Variants in RERE observed in about 807,000 individuals in gnomAD.
RERE encodes the protein arginine-glutamic acid dipeptide repeats protein.
RERE carries 40 observed loss-of-function variants against 146.1 expected under a neutral mutation model. That is an observed-to-expected ratio of 0.27 (90% CI 0.21 to 0.36). The LOEUF is 0.36. Ranked by LOEUF, RERE falls within the 10% of genes least tolerant of loss-of-function variation. RERE has a pLI of 1.00. For synonymous variants in RERE, 1,003 were observed against 866.0 expected (o/e 1.16, Z -2.78); for missense variants, 1,933 against 2,138.7 (o/e 0.90, Z 1.90).
chr1:8,726,071 C>T (rs534941095), intron 1 of RERE, among the ~76,000 whole-genome samples: 1 of 151,504 alleles, frequency 6.6e-6, no homozygotes, highest in South Asian at 2.1e-4. Flanking sequence ...CTTAATGCTC[C>T]ACAAATGTCT....
intron 2 of RERE, among the ~76,000 whole-genome samples, chr1:8,631,177 G>C (rs1421097135): frequency 6.6e-6 from 1 of 152,158 alleles, no homozygotes; most frequent in East Asian, 1.9e-4. Context: ...TTAAAAGTCA[G>C]GAAATCTCCC....
intron 10 of RERE, among the ~76,000 whole-genome samples, chr1:8,478,377 AAGG>A (rs1221710261): frequency 3.9e-5 from 6 of 152,188 alleles, no homozygotes; most frequent in South Asian, 4.1e-4. Context: ...GAAAGAAGAA[AAGG>A]AGGAGAAGAG....
rs74593799 is a variant in RERE at position 8,475,804 on chromosome 1, G to A, written c.1105-9781C>T. 0.014 allele frequency among the ~76,000 whole-genome samples: 2,186 copies of A among 152,068 alleles called. 250 individuals carry two copies. The East Asian group carries it at 0.28, about 20-fold the overall frequency. ...TGCCAAGTCAATATATATGAAACAT[G>A]TAAATGTTAAAAAACTAGAATTGAA... On this transcript the variant is annotated intron_variant, in intron 10 of 22. Transcript: ENST00000400908.
At chr1:8,700,230 G>A (rs752241386) in intron 1 of RERE, among the ~76,000 whole-genome samples, 27 of 152,044 alleles carry the variant, frequency 1.8e-4, no homozygotes, top group Non-Finnish European at 2.6e-4. Context: ...ACTTGAACCC[G>A]GGAGACGGAG....
intron 1 of RERE, among the ~76,000 whole-genome samples, chr1:8,666,951 C>A (rs1252334848): frequency 6.6e-6 from 1 of 152,190 alleles, no homozygotes; most frequent in African/African-American, 2.4e-5. Context: ...GAATATACGG[C>A]TTATTTAAGG....
At chr1:8,683,050 A>G (rs777257179) in intron 1 of RERE, among the ~76,000 whole-genome samples, 212 of 151,612 alleles carry the variant, frequency 1.4e-3, no homozygotes, top group Non-Finnish European at 2.6e-3. Flanking sequence ...AAAAAAAAAA[A>G]AAAAAGAATG....
intron 3 of RERE, among the ~76,000 whole-genome samples, chr1:8,615,156 G>C (rs896386000): frequency 1.3e-5 from 2 of 152,184 alleles, no homozygotes; most frequent in African/African-American, 2.4e-5. Flanking sequence ...AGGGCATTTG[G>C]GTGGCCAAAG....
chr1:8,378,574 C>G (rs1018299484), intron 12 of RERE, among the ~76,000 whole-genome samples: 5 of 152,162 alleles, frequency 3.3e-5, no homozygotes, highest in Admixed American at 6.5e-5. Flanking sequence ...GACACAGACA[C>G]CCACAGAAGG....
intron 4 of RERE, among the ~76,000 whole-genome samples, chr1:8,560,598 G>A (rs1335281932): frequency 6.6e-6 from 1 of 152,018 alleles, no homozygotes; most frequent in Admixed American, 6.6e-5. Flanking sequence ...CCCCTTTTCT[G>A]TAAAAAGGAG....
chr1:8,722,738 C>T (rs1431244943), intron 1 of RERE, among the ~76,000 whole-genome samples: 17 of 151,944 alleles, frequency 1.1e-4, no homozygotes, highest in Admixed American at 1.0e-3. Flanking sequence ...AATCTGGAGA[C>T]GATGTAAAGT....
intron 12 of RERE, among the ~76,000 whole-genome samples, chr1:8,378,030 A>G (rs1016326469): frequency 6.6e-6 from 1 of 152,232 alleles, no homozygotes; most frequent in Non-Finnish European, 1.5e-5. Flanking sequence ...TGCACAGCAA[A>G]TTATCATGTA....
chr1:8,777,418 G>A (rs757617558), intron 1 of RERE, among the ~76,000 whole-genome samples: 2 of 151,436 alleles, frequency 1.3e-5, no homozygotes, highest in Non-Finnish European at 2.9e-5. Context: ...ATAACTTTTT[G>A]AAGAAAAATA....
chr1:8,714,665 A>G (rs901500107), intron 1 of RERE, among the ~76,000 whole-genome samples: 1 of 152,202 alleles, frequency 6.6e-6, no homozygotes, highest in African/African-American at 2.4e-5. Flanking sequence ...TGGCAGATCT[A>G]GACACCAAAA....
intron 1 of RERE, among the ~76,000 whole-genome samples, chr1:8,759,838 T>TATACAC (rs1553146162): frequency 6.3e-5 from 9 of 142,230 alleles, no homozygotes; most frequent in African/African-American, 2.3e-4. Flanking sequence ...ACTCTCTCTA[T>TATACAC]ACACACACAC....
At chr1:8,377,855 C>T (rs1026208510) in intron 12 of RERE, among the ~76,000 whole-genome samples, 1 of 152,006 alleles carries the variant, frequency 6.6e-6, no homozygotes, top group African/African-American at 2.4e-5. Context: ...TGTGCATTTC[C>T]CGAGGTGATA....
At chr1:8,683,031 CA>C (rs71580039) in intron 1 of RERE, among the ~76,000 whole-genome samples, 11,213 of 65,258 alleles carry the variant, frequency 0.17, 151 homozygotes, top group Admixed American at 0.23. Flanking sequence ...CTGTCTTTAC[CA>C]AAAAAAAAAA....
intron 6 of RERE, among the ~76,000 whole-genome samples, chr1:8,554,268 G>T (rs550867776): frequency 6.6e-6 from 1 of 152,260 alleles, no homozygotes; most frequent in East Asian, 1.9e-4. Context: ...AAAACATGTT[G>T]AATACAGTTA....
intron 1 of RERE, among the ~76,000 whole-genome samples, chr1:8,772,091 T>C (rs569067867): frequency 1.1e-4 from 17 of 152,240 alleles, no homozygotes; most frequent in African/African-American, 4.1e-4. Flanking sequence ...ATCCCAATTT[T>C]GTAATACATA....
rs1434737439 is a variant in RERE at position 8,584,083 on chromosome 1, TC to T, written c.523-26561del. On this transcript the variant is annotated intron_variant, in intron 4 of 22. Coordinates refer to ENST00000400908, the MANE Select transcript of RERE (RefSeq NM_001042681.2). ...TAACAAAAATCAGAAACAAGAAAAT[TC>T]AGAAATGAAGTGACAGACATAAATA... Among the ~76,000 whole-genome samples the T allele has an allele frequency of 2.0e-5, 3 of 151,504 alleles. No individual in the cohort carries two copies. The East Asian group carries it at 5.8e-4, about 29-fold the overall frequency.
Sources: gnomAD v4.1 joint callset for allele counts (sites outside exome capture counted in the v4.1 genomes callset) on GRCh38, gnomAD v4.1.1 for gene constraint, MANE v1.5 for transcripts, NCBI Gene and HGNC (gene_info 2026-07-23, HGNC 2026-07-21) for gene names.